The following ZDHHC20 variants were observed in gnomAD, a reference collection of about 807,000 sequenced individuals.
ZDHHC20 encodes palmitoyltransferase ZDHHC20.
Under a neutral mutation model 57.8 loss-of-function variants are expected in ZDHHC20, and 43 were observed. The ratio of observed to expected loss-of-function variants is 0.74; its 90% CI spans 0.58 to 0.96. The LOEUF (loss-of-function observed/expected upper bound fraction) is 0.96. Among genes scored for constraint, ZDHHC20 ranks in the 40% least tolerant of loss-of-function variants. The pLI, the probability that ZDHHC20 is intolerant of heterozygous loss-of-function variation, is 0.00. For synonymous variants in ZDHHC20, 157 were observed against 153.0 expected (o/e 1.03, Z -0.19); for missense variants, 391 against 441.1 (o/e 0.89, Z 1.02).
intron 7 of ZDHHC20, among the ~76,000 whole-genome samples, chr13:21,400,066 A>C (rs1374651025): frequency 6.6e-6 from 1 of 151,880 alleles, no homozygotes; most frequent in East Asian, 1.9e-4. Flanking sequence ...AATTGCAGTA[A>C]GTCTCACCAA....
In ZDHHC20 at chr13:21,443,691, T is replaced by C. The variant is rs1031170704; in HGVS notation, c.118+15363A>G. ...GAGTTATTGTAAAGATCAAAAGATA[T>C]AGACAGACCACTTAATTACTTAGCG... On this transcript the variant is annotated intron_variant, in intron 1 of 12. Transcript: ENST00000400590. Among the ~76,000 whole-genome samples the C allele has an allele frequency of 4.6e-5, 7 of 152,218 alleles. 1 individual carries two copies. Among genetic ancestry groups the C allele is most frequent in the South Asian group, 2.1e-4 (1 of 4,834 alleles).
intron 3 of ZDHHC20, among the ~76,000 whole-genome samples, chr13:21,414,100 G>T (rs1879598636): frequency 1.3e-5 from 2 of 152,008 alleles, no homozygotes; most frequent in South Asian, 4.1e-4. Context: ...TTGTTTAAAA[G>T]TTACTGTCAA....
Position 21,373,925 on chromosome 13 carries a change from ATAAG to A in ZDHHC20, c.*2767_*2770del, listed in dbSNP as rs1871596317. The A allele has an allele frequency of 6.6e-6, 1 of 152,346 alleles. No individual in the cohort carries two copies. The highest frequency in any genetic ancestry group is 2.4e-5 in the African/African-American group (1 of 41,464). The allele number at this position is 152,346 out of a possible 1,614,324, so 9.4% of individuals were successfully genotyped here. ...ATGCTGGCTGTAAATTAAATCAAAG[ATAAG>A]TAATTCAAAGGCTTTAACTGAAAAT... On this transcript the variant is annotated 3_prime_UTR_variant, in exon 13 of 13. Coordinates refer to ENST00000400590, the MANE Select transcript of ZDHHC20 (RefSeq NM_001330059.2).
rs143451592 is a variant in ZDHHC20 at position 21,441,382 on chromosome 13, C to T, written c.119-15704G>A. The stretch of plus-strand genomic sequence containing the variant: ...GGATAGTTCTCTTCCACTCTATTTT[C>T]TTTTCTCTCTTTTTTTTTTTTGAGA... On this transcript the variant is annotated intron_variant, in intron 1 of 12. Transcript: ENST00000400590. 8.5e-3 allele frequency among the ~76,000 whole-genome samples: 1,255 copies of T among 148,310 alleles called. 22 individuals are homozygous for T. Among genetic ancestry groups the T allele is most frequent in the African/African-American group, 0.03 (1,202 of 40,288 alleles).
rs1249579957 is a variant in ZDHHC20, at chr13:21,373,223, T to C, written c.*3473A>G. ...AAGGTAAGCAAAACTTATTTGTAAG[T>C]TACTGCCTATTCAATGCCCAGAATA... On this transcript the variant is annotated 3_prime_UTR_variant, in exon 13 of 13. Transcript: ENST00000400590. 6.6e-6 allele frequency: 1 copy of C among 152,190 alleles called. No homozygotes were observed. Among genetic ancestry groups the C allele is most frequent in the Non-Finnish European group, 1.5e-5 (1 of 68,030 alleles). 9.4% of individuals were successfully genotyped at this position (152,190 alleles called of 1,614,324 possible). A position where few individuals can be genotyped will look rare whatever the true frequency, so the allele number is the denominator to read the frequency against.
chr13:21,450,282 G>A (rs1031385877), intron 1 of ZDHHC20, among the ~76,000 whole-genome samples: 17 of 152,072 alleles, frequency 1.1e-4, no homozygotes, highest in African/African-American at 3.9e-4. Context: ...GAAAGGGAGC[G>A]GGCAGAGAAG....
At chr13:21,411,782 A>C (rs1474033171) in intron 4 of ZDHHC20, among the ~76,000 whole-genome samples, 3 of 152,236 alleles carry the variant, frequency 2.0e-5, no homozygotes, top group Non-Finnish European at 4.4e-5. Flanking sequence ...GTGTGAGGGT[A>C]GTGTTTTTCA....
At chr13:21,377,087 C>A in intron 12 of ZDHHC20, 1 of 159,938 alleles carries the variant, frequency 6.3e-6, no homozygotes, top group Non-Finnish European at 1.4e-5. Flanking sequence ...AGACTGAGGG[C>A]TTTTCTGGGG....
chr13:21,453,220 T>C (rs1884618667), intron 1 of ZDHHC20, among the ~76,000 whole-genome samples: 1 of 152,216 alleles, frequency 6.6e-6, no homozygotes. Context: ...CCAGGGGTAA[T>C]AAAGTCACTT....
At chr13:21,439,045 A>C (rs1478814382) in intron 1 of ZDHHC20, among the ~76,000 whole-genome samples, 1 of 152,238 alleles carries the variant, frequency 6.6e-6, no homozygotes, top group Non-Finnish European at 1.5e-5. Flanking sequence ...TTTTATATGC[A>C]GTAGGAAACC....
intron 1 of ZDHHC20, among the ~76,000 whole-genome samples, chr13:21,454,152 C>A (rs1884707494): frequency 6.6e-6 from 1 of 152,048 alleles, no homozygotes; most frequent in Non-Finnish European, 1.5e-5. Context: ...ATGGCAAAAC[C>A]CCATCTCTAC....
chr13:21,384,471 A>AG (rs1874079976), intron 9 of ZDHHC20, among the ~76,000 whole-genome samples: 1 of 150,574 alleles, frequency 6.6e-6, no homozygotes, highest in Non-Finnish European at 1.5e-5. Context: ...AAAAAAAAAA[A>AG]AAAAAAAAAG....
chr13:21,446,820 C>G (rs1193847905), intron 1 of ZDHHC20, among the ~76,000 whole-genome samples: 3 of 152,150 alleles, frequency 2.0e-5, no homozygotes, highest in African/African-American at 7.2e-5. Flanking sequence ...CCTTAGACAA[C>G]ACACCCTCCC....
At chr13:21,408,791 T>C (rs1878811378) in intron 4 of ZDHHC20, among the ~76,000 whole-genome samples, 1 of 152,234 alleles carries the variant, frequency 6.6e-6, no homozygotes. Context: ...GTTCCATCAA[T>C]ACCTAGTTTA....
chr13:21,406,334 T>C (rs1162913834), intron 4 of ZDHHC20, among the ~76,000 whole-genome samples: 1 of 152,152 alleles, frequency 6.6e-6, no homozygotes, highest in African/African-American at 2.4e-5. Context: ...CTCCTGCACA[T>C]CTAATTGACT....
chr13:21,451,426 C>G (rs1884430220), intron 1 of ZDHHC20, among the ~76,000 whole-genome samples: 1 of 152,082 alleles, frequency 6.6e-6, no homozygotes, highest in South Asian at 2.1e-4. Context: ...AAACAGGACC[C>G]AATTATACTA....
chr13:21,427,215 C>T (rs907904338), intron 1 of ZDHHC20, among the ~76,000 whole-genome samples: 1 of 152,024 alleles, frequency 6.6e-6, no homozygotes, highest in South Asian at 2.1e-4. Context: ...ATAAATGCTC[C>T]TTGAAGTGTG....
chr13:21,404,577 C>T (rs570848322), intron 4 of ZDHHC20, among the ~76,000 whole-genome samples: 1 of 152,062 alleles, frequency 6.6e-6, no homozygotes, highest in South Asian at 2.1e-4. Context: ...ATGGTGAAAC[C>T]CCGTCTCTAC....
At chr13:21,442,211 AG>A (rs1189847620) in intron 1 of ZDHHC20, among the ~76,000 whole-genome samples, 2 of 152,046 alleles carry the variant, frequency 1.3e-5, no homozygotes, top group African/African-American at 4.8e-5. Context: ...ATCTCAGCCT[AG>A]CTTGTATATC....
Sources: allele counts gnomAD v4.1 joint callset (sites outside exome capture counted in the v4.1 genomes callset), GRCh38; gene constraint gnomAD v4.1.1; transcripts MANE v1.5; gene names NCBI Gene and HGNC (gene_info 2026-07-23, HGNC 2026-07-21).